The following NRG1 variants were observed in gnomAD, a reference collection of about 807,000 sequenced individuals.
NRG1 encodes pro-neuregulin-1, membrane-bound isoform.
A neutral mutation model predicts 63.8 loss-of-function variants in NRG1; 18 were observed. That is an observed-to-expected ratio of 0.28 (90% CI 0.19 to 0.42). NRG1 has a LOEUF of 0.42. Ranked by LOEUF, NRG1 falls within the 10% of genes least tolerant of loss-of-function variation. NRG1 has a pLI of 1.00. For synonymous variants in NRG1, 302 were observed against 301.3 expected (o/e 1.00, Z -0.02); for missense variants, 762 against 814.7 (o/e 0.94, Z 0.79).
intron 1 of NRG1, among the ~76,000 whole-genome samples, chr8:31,876,528 G>T (rs777424244): frequency 6.6e-6 from 1 of 152,138 alleles, no homozygotes; most frequent in East Asian, 1.9e-4. Context: ...GGTTGAGAGA[G>T]TGAATAAATG....
At chr8:31,935,739 C>G (rs1835249813) in intron 1 of NRG1, among the ~76,000 whole-genome samples, 1 of 152,202 alleles carries the variant, frequency 6.6e-6, no homozygotes, top group African/African-American at 2.4e-5. Context: ...GCAGCATCTT[C>G]TGGGGTCTTT....
intron 1 of NRG1, among the ~76,000 whole-genome samples, chr8:32,091,325 C>T (rs7015885): frequency 0.033 from 5,038 of 151,796 alleles, 195 homozygotes; most frequent in African/African-American, 0.091. Context: ...TATGTAATTC[C>T]TACAACCTCT....
intron 1 of NRG1, among the ~76,000 whole-genome samples, chr8:31,919,679 A>G (rs1833735025): frequency 6.6e-6 from 1 of 152,132 alleles, no homozygotes; most frequent in South Asian, 2.1e-4. Flanking sequence ...GTTGTGAAGA[A>G]CACATTGAAC....
intron 1 of NRG1, among the ~76,000 whole-genome samples, chr8:32,258,630 A>T (rs565831492): frequency 1.2e-4 from 18 of 152,244 alleles, no homozygotes; most frequent in East Asian, 5.8e-4. Flanking sequence ...AGAGAGAGAG[A>T]GTGTGTGAAG....
At chr8:31,733,719 A>G (rs1034123990) in intron 1 of NRG1, among the ~76,000 whole-genome samples, 1 of 152,130 alleles carries the variant, frequency 6.6e-6, no homozygotes, top group African/African-American at 2.4e-5. Context: ...TGCCATCCAC[A>G]TGTCATACTT....
intron 1 of NRG1, among the ~76,000 whole-genome samples, chr8:32,051,401 T>G (rs1009926364): frequency 2.0e-5 from 3 of 152,142 alleles, no homozygotes; most frequent in African/African-American, 7.2e-5. Context: ...ATGCATAGAA[T>G]GTGTAGTGAT....
intron 1 of NRG1, among the ~76,000 whole-genome samples, chr8:32,306,871 G>C (rs974717216): frequency 6.6e-6 from 1 of 152,088 alleles, no homozygotes; most frequent in African/African-American, 2.4e-5. Flanking sequence ...TCGTGATCTG[G>C]GGTTTTATCA....
chr8:32,648,678 AATTT>A (rs2129547055), intron 5 of NRG1, among the ~76,000 whole-genome samples: 1 of 152,344 alleles, frequency 6.6e-6, no homozygotes, highest in South Asian at 2.1e-4. Flanking sequence ...AGTTAAATTC[AATTT>A]ATTTCTAACA....
At chr8:31,939,905 C>G (rs924338788) in intron 1 of NRG1, among the ~76,000 whole-genome samples, 1 of 151,898 alleles carries the variant, frequency 6.6e-6, no homozygotes, top group Non-Finnish European at 1.5e-5. Context: ...ACTGGAGCAC[C>G]CAAATTTATA....
intron 1 of NRG1, among the ~76,000 whole-genome samples, chr8:31,921,704 G>T (rs915476073): frequency 6.6e-6 from 1 of 152,128 alleles, no homozygotes; most frequent in Non-Finnish European, 1.5e-5. Flanking sequence ...GCATGCTGTG[G>T]AAACTATATT....
At chr8:32,164,536 T>C (rs1181567434) in intron 1 of NRG1, among the ~76,000 whole-genome samples, 2 of 152,180 alleles carry the variant, frequency 1.3e-5, no homozygotes, top group African/African-American at 4.8e-5. Flanking sequence ...AAGAGGCTGA[T>C]ATATTGCCTT....
chr8:32,338,789 A>C (rs1282521795), intron 1 of NRG1, among the ~76,000 whole-genome samples: 1 of 152,198 alleles, frequency 6.6e-6, no homozygotes, highest in African/African-American at 2.4e-5. Context: ...GTAAATCCAA[A>C]CATGCCTAGG....
At position 31,639,522 on chromosome 8, in the gene NRG1, C is replaced by T. The variant is rs1247725815; in HGVS notation, c.37+91C>T. 9.3e-6 allele frequency: 14 copies of T among 1,497,854 alleles called. No individual in the cohort carries two copies. In the African/African-American group the frequency reaches 1.5e-4, roughly 16 times the overall value. 92.8% of individuals were successfully genotyped at this position (1,497,854 alleles called of 1,614,324 possible). On this transcript the variant is annotated intron_variant, in intron 1 of 10. Transcript: ENST00000519301. ...CAACTCCGCCTCCAGGGCTCTCTCCCTCGCGCTCTCTCCCAGCCGCTTGCT... is the reference window on the plus strand; with the variant it reads ...CAACTCCGCCTCCAGGGCTCTCTCCTTCGCGCTCTCTCCCAGCCGCTTGCT...
intron 1 of NRG1, among the ~76,000 whole-genome samples, chr8:32,263,088 T>C (rs1162797904): frequency 6.6e-6 from 1 of 152,192 alleles, no homozygotes. Flanking sequence ...CATGGACATA[T>C]CCAAGTGTCA....
At chr8:32,403,511 T>C (rs1247646757) in intron 1 of NRG1, among the ~76,000 whole-genome samples, 4 of 152,126 alleles carry the variant, frequency 2.6e-5, no homozygotes, top group Non-Finnish European at 5.9e-5. Context: ...TTTTCACTTT[T>C]ATAAGATAAA....
intron 5 of NRG1, among the ~76,000 whole-genome samples, chr8:32,640,597 T>A (rs902759368): frequency 2.1e-5 from 3 of 140,106 alleles, no homozygotes; most frequent in African/African-American, 8.1e-5. Flanking sequence ...AGTGGAGTCC[T>A]TCATCCCAAA....
chr8:32,010,754 G>A (rs946422623), intron 1 of NRG1, among the ~76,000 whole-genome samples: 6 of 151,872 alleles, frequency 4.0e-5, no homozygotes, highest in Admixed American at 6.6e-5. Flanking sequence ...GCTTAACATC[G>A]ATGCATTTTT....
intron 5 of NRG1, among the ~76,000 whole-genome samples, chr8:32,687,237 G>T (rs559902004): frequency 1.1e-3 from 173 of 152,258 alleles, no homozygotes; most frequent in Non-Finnish European, 2.1e-3. Context: ...CCTCAATAAA[G>T]GGGCAAACAA....
chr8:32,623,367 T>C (rs114926293), intron 5 of NRG1, among the ~76,000 whole-genome samples: 165 of 152,318 alleles, frequency 1.1e-3, no homozygotes, highest in African/African-American at 3.9e-3. Flanking sequence ...AAATGCCATT[T>C]CAATTTCAGA....
Sources: gnomAD v4.1 joint callset for allele counts (sites outside exome capture counted in the v4.1 genomes callset) on GRCh38, gnomAD v4.1.1 for gene constraint, MANE v1.5 for transcripts, NCBI Gene and HGNC (gene_info 2026-07-23, HGNC 2026-07-21) for gene names.